The following ZBBX variants were observed in gnomAD, a reference collection of about 807,000 sequenced individuals.
The protein encoded by ZBBX is zinc finger B-box domain containing, also known as zinc finger B-box domain-containing protein 1.
In ZBBX, 101 loss-of-function variants were observed where a neutral mutation model predicts 108.5. The ratio of observed to expected loss-of-function variants is 0.93; its 90% confidence interval spans 0.79 to 1.10. The LOEUF (loss-of-function observed/expected upper bound fraction) is 1.10. ZBBX is among the 50% of genes least tolerant of loss of function. The probability of loss-of-function intolerance (pLI) is 0.00; values close to 1 mark genes in which losing one functional copy is unlikely to be tolerated. For synonymous variants in ZBBX, 356 were observed against 323.4 expected (o/e 1.10, Z -1.08); for missense variants, 1,009 against 941.4 (o/e 1.07, Z -0.94).
Position 167,315,761 on chromosome 3 carries a change from G to A in ZBBX, c.1263C>T (p.Asp421=), listed in dbSNP as rs201327926. Residue 421 remains aspartate (D), a synonymous_variant, in exon 15 of 22, where the codon GAC becomes GAT. Transcript: ENST00000675490. ...VPYKVKLADA[D]SQRSCAFHDC... Reference sequence around the variant, plus strand: ...TAGAAAGGTTTTACCTTCGTTGACTGTCTGCATCAGCTAATTTAACTTTGT... The same window carrying A: ...TAGAAAGGTTTTACCTTCGTTGACTATCTGCATCAGCTAATTTAACTTTGT... The A allele has an allele frequency of 6.7e-5, 107 of 1,607,492 alleles. 1 individual carries two copies. The highest frequency in any genetic ancestry group is 1.7e-4 in the Middle Eastern group (1 of 5,820).
chr3:167,280,003 T>C (rs1471799929), intron 20 of ZBBX, among the ~76,000 whole-genome samples: 1 of 151,896 alleles, frequency 6.6e-6, no homozygotes, highest in African/African-American at 2.4e-5. Flanking sequence ...GGGGAAAGGA[T>C]TCCCTATTTA....
downstream of ZBBX, among the ~76,000 whole-genome samples, chr3:167,238,408 T>C (rs1255831047): frequency 6.6e-6 from 1 of 152,072 alleles, no homozygotes. Flanking sequence ...TGATTGCTTA[T>C]TGTCCACGTT....
At chr3:167,241,519 T>G (rs994912991) in intron 21 of ZBBX, among the ~76,000 whole-genome samples, 1 of 152,180 alleles carries the variant, frequency 6.6e-6, no homozygotes. Context: ...TAGTTTGTTT[T>G]TAATGATTTA....
At chr3:167,320,583 C>T (rs1452272636) in intron 12 of ZBBX, among the ~76,000 whole-genome samples, 1 of 151,982 alleles carries the variant, frequency 6.6e-6, no homozygotes, top group East Asian at 1.9e-4. Context: ...TAAGGGAAAA[C>T]AGAGTTGATG....
At chr3:167,347,878 T>C (rs1449580671) in intron 9 of ZBBX, among the ~76,000 whole-genome samples, 4 of 152,010 alleles carry the variant, frequency 2.6e-5, no homozygotes, top group Non-Finnish European at 4.4e-5. Flanking sequence ...GAGACATAGT[T>C]CTTTATTGTA....
At chr3:167,316,443 T>C (rs564979301) in intron 14 of ZBBX, among the ~76,000 whole-genome samples, 5 of 152,192 alleles carry the variant, frequency 3.3e-5, no homozygotes, top group Non-Finnish European at 1.5e-5. Context: ...GCACTGAGTG[T>C]ATCACACCCT....
At chr3:167,191,678 A>G in the ZBBX span, among the ~76,000 whole-genome samples, 1 of 151,844 alleles carries the variant, frequency 6.6e-6, no homozygotes, top group Admixed American at 6.6e-5. Context: ...TGTGAGTCCA[A>G]TTAAACCTCT....
At chr3:167,203,317 A>G in the ZBBX span, among the ~76,000 whole-genome samples, 54 of 152,218 alleles carry the variant, frequency 3.5e-4, no homozygotes, top group South Asian at 0.011. Flanking sequence ...GCCCCACCCT[A>G]ACATGTGCAT....
At chr3:167,211,073 C>T in the ZBBX span, among the ~76,000 whole-genome samples, 2 of 152,068 alleles carry the variant, frequency 1.3e-5, no homozygotes, top group Admixed American at 6.6e-5. Context: ...ACAGAAATAT[C>T]CAGGTATATG....
intron 18 of ZBBX, among the ~76,000 whole-genome samples, chr3:167,295,793 A>C (rs1731603854): frequency 7.0e-6 from 1 of 142,694 alleles, no homozygotes; most frequent in African/African-American, 2.6e-5. Flanking sequence ...ATCTGTTAAC[A>C]AAAATTTGCC....
chr3:167,368,827 A>G lies in ZBBX; in HGVS notation c.69-253T>C, dbSNP rs954494934. 8.9e-5 allele frequency: 63 copies of G among 711,470 alleles called. No individual in the cohort carries two copies. In the African/African-American group the frequency reaches 1.2e-3, roughly 13 times the overall value. The allele number at this position is 711,470 out of a possible 1,614,324, so 44.1% of individuals were successfully genotyped here. A position where few individuals can be genotyped will look rare whatever the true frequency, so the allele number is the denominator to read the frequency against. ...TTGCTAGGGGTTCAAAATTATAATTAACTTCATATATAAGGCATGTTTTTA... is the reference window on the plus strand; with the variant it reads ...TTGCTAGGGGTTCAAAATTATAATTGACTTCATATATAAGGCATGTTTTTA... On this transcript the variant is annotated intron_variant, in intron 4 of 21. Transcript: ENST00000675490.
the ZBBX span, among the ~76,000 whole-genome samples, chr3:167,189,977 C>T: frequency 6.6e-6 from 1 of 152,314 alleles, no homozygotes; most frequent in South Asian, 2.1e-4. Context: ...CTGTCAGGGT[C>T]CAGGTAGAGC....
At chr3:167,304,841 C>T (rs1733349162) in intron 17 of ZBBX, among the ~76,000 whole-genome samples, 1 of 151,898 alleles carries the variant, frequency 6.6e-6, no homozygotes, top group Admixed American at 6.6e-5. Flanking sequence ...GGACTCAGTT[C>T]CAATTTCTTA....
intron 17 of ZBBX, among the ~76,000 whole-genome samples, chr3:167,305,361 G>C (rs2108226947): frequency 6.6e-6 from 1 of 152,112 alleles, no homozygotes; most frequent in African/African-American, 2.4e-5. Context: ...TGGAAAAGTT[G>C]TTACTTTTCC....
In ZBBX at chr3:167,295,759, A is replaced by ATATATATATAT. The variant is rs1560086259; in HGVS notation, c.1879+2545_1879+2546insATATATATATA. ...TATATATATATATATATATATATAT[A>ATATATATATAT]AAAAAAACTAGTAAGGAGATTAAAT... On this transcript the variant is annotated intron_variant, in intron 18 of 21. Transcript: ENST00000675490. Among the ~76,000 whole-genome samples the ATATATATATAT allele has an allele frequency of 2.9e-3, 6 of 2,090 alleles. 1 individual carries two copies. Among genetic ancestry groups the ATATATATATAT allele is most frequent in the African/African-American group, 8.8e-3 (3 of 342 alleles). The allele number at this position is 2,090 out of a possible 152,430, so 1.4% of individuals were successfully genotyped here. A position where few individuals can be genotyped will look rare whatever the true frequency, so the allele number is the denominator to read the frequency against.
the ZBBX span, among the ~76,000 whole-genome samples, chr3:167,201,512 A>T: frequency 6.6e-6 from 1 of 152,112 alleles, no homozygotes; most frequent in African/African-American, 2.4e-5. Flanking sequence ...GGTTTCCATT[A>T]GTCACCTAAA....
At chr3:167,292,586 C>G (rs1014357912) in intron 18 of ZBBX, among the ~76,000 whole-genome samples, 2 of 152,042 alleles carry the variant, frequency 1.3e-5, no homozygotes, top group South Asian at 2.1e-4. Context: ...TAAATGTCCT[C>G]AAGAGAAAGC....
intron 10 of ZBBX, among the ~76,000 whole-genome samples, chr3:167,330,253 T>C (rs1179474843): frequency 6.6e-6 from 1 of 152,162 alleles, no homozygotes; most frequent in Non-Finnish European, 1.5e-5. Flanking sequence ...CATATTAACG[T>C]TTGTGTAAAA....
chr3:167,275,437 C>T (rs375240875), intron 20 of ZBBX, among the ~76,000 whole-genome samples: 3 of 152,224 alleles, frequency 2.0e-5, no homozygotes, highest in East Asian at 3.9e-4. Context: ...GTGCGCGAGC[C>T]GAAGCAGGGC....
Sources: allele counts gnomAD v4.1 joint callset (sites outside exome capture counted in the v4.1 genomes callset), GRCh38; gene constraint gnomAD v4.1.1; transcripts MANE v1.5; gene names NCBI Gene and HGNC (gene_info 2026-07-23, HGNC 2026-07-21).